The following WASL variants were observed in gnomAD, a reference collection of about 807,000 sequenced individuals.
The protein encoded by WASL is WASP like actin nucleation promoting factor.
Under a neutral mutation model 55.5 loss-of-function variants are expected in WASL, and 20 were observed. That is an observed-to-expected ratio of 0.36 (90% CI 0.25 to 0.52). The LOEUF (loss-of-function observed/expected upper bound fraction) is 0.52. WASL is among the 20% of genes least tolerant of loss of function. The probability of loss-of-function intolerance (pLI) is 0.92; values close to 1 mark genes in which losing one functional copy is unlikely to be tolerated. For missense variants in WASL, 504 were observed against 622.5 expected, an observed-to-expected ratio of 0.81 and a Z score of 2.03; for synonymous variants, 249 against 217.6, an observed-to-expected ratio of 1.14 and a Z score of -1.27.
rs1427857891 is a variant in WASL at position 123,748,701 on chromosome 7, G to A, written c.34C>T (p.Arg12Trp). Residue 12 changes from arginine (R) to tryptophan (W), a missense_variant, in exon 1 of 11, where the codon CGG (arginine) becomes TGG (tryptophan). Coordinates refer to ENST00000223023, the MANE Select transcript of WASL (RefSeq NM_003941.4). ...SSVQQQPPPP[R>W]RVTNVGSLLL... is the part of the protein sequence containing the mutation. ...AGGGACCCCACGTTGGTGACCCTCC[G>A]CGGCGGCGGCGGCTGCTGCTGGACG... 4.0e-6 allele frequency: 6 copies of A among 1,504,248 alleles called. No homozygotes were observed. The highest frequency in any genetic ancestry group is 5.5e-6 in the Non-Finnish European group (6 of 1,095,862). 93.2% of individuals were successfully genotyped at this position (1,504,248 alleles called of 1,614,324 possible). A position where few individuals can be genotyped will look rare whatever the true frequency, so the allele number is the denominator to read the frequency against.
intron 1 of WASL, among the ~76,000 whole-genome samples, chr7:123,715,385 T>C (rs954821029): frequency 6.6e-6 from 1 of 152,176 alleles, no homozygotes; most frequent in Non-Finnish European, 1.5e-5. Flanking sequence ...TCTGGTGAGA[T>C]TAGTCACCAG....
intron 8 of WASL, 84 bp from the exon 9 acceptor site, chr7:123,692,951 T>C: frequency 7.7e-7 from 1 of 1,306,414 alleles, no homozygotes; most frequent in Non-Finnish European, 9.7e-7. Flanking sequence ...TTAACATGTA[T>C]AAAAATTGAA....
chr7:123,735,404 A>C (rs1487582040), intron 1 of WASL, among the ~76,000 whole-genome samples: 1 of 151,418 alleles, frequency 6.6e-6, no homozygotes, highest in Admixed American at 6.6e-5. Flanking sequence ...ACAGGAAAAG[A>C]CCCATAGTGA....
chr7:123,708,643 A>G (rs1803708201), intron 2 of WASL, among the ~76,000 whole-genome samples: 2 of 152,162 alleles, frequency 1.3e-5, no homozygotes. Context: ...ATGAGTAGCA[A>G]ACAGATTTTT....
intron 1 of WASL, among the ~76,000 whole-genome samples, chr7:123,731,903 AAG>A (rs377000999): frequency 2.0e-5 from 3 of 152,316 alleles, no homozygotes; most frequent in African/African-American, 7.2e-5. Context: ...AAAAGAAAAA[AAG>A]AATTATAGCA....
chr7:123,689,926 T>G (rs1803371340), intron 9 of WASL, among the ~76,000 whole-genome samples: 1 of 152,202 alleles, frequency 6.6e-6, no homozygotes, highest in Non-Finnish European at 1.5e-5. Context: ...ACTTTCCATT[T>G]TGATCTGTAC....
rs374821924 is a variant in WASL, at chr7:123,707,231, T to C, written c.253-405A>G. 6.6e-5 allele frequency among the ~76,000 whole-genome samples: 10 copies of C among 152,276 alleles called. No homozygotes were observed. The South Asian group carries it at 2.1e-3, about 32-fold the overall frequency. On this transcript the variant is annotated intron_variant, in intron 2 of 10. Transcript: ENST00000223023. ...AGTTCCACCAGCAATATTTAGACAA[T>C]GTACTATCAAACACTGCAGGAATAC...
chr7:123,737,276 G>C (rs181738354), intron 1 of WASL, among the ~76,000 whole-genome samples: 1 of 152,118 alleles, frequency 6.6e-6, no homozygotes, highest in Non-Finnish European at 1.5e-5. Context: ...CTTGGTCTAC[G>C]TACTCCTTGT....
intron 1 of WASL, among the ~76,000 whole-genome samples, chr7:123,719,711 T>G (rs530191740): frequency 4.5e-4 from 68 of 152,336 alleles, no homozygotes; most frequent in Non-Finnish European, 8.8e-4. Context: ...CAAGCCTTTG[T>G]ATCCTGGCAG....
intron 1 of WASL, among the ~76,000 whole-genome samples, chr7:123,747,243 T>G (rs550333504): frequency 6.6e-6 from 1 of 152,220 alleles, no homozygotes; most frequent in African/African-American, 2.4e-5. Flanking sequence ...TTGGGCTCAC[T>G]GGATCAGTTT....
rs766540174 is a variant in WASL at position 123,748,677 on chromosome 7, G to T, written c.58C>A (p.Leu20Met). The T allele has an allele frequency of 2.5e-6, 4 of 1,612,758 alleles. No homozygotes were observed. Among genetic ancestry groups the T allele is most frequent in the Non-Finnish European group, 3.4e-6 (4 of 1,179,466 alleles). Residue 20 changes from leucine to methionine, a missense_variant, in exon 1 of 11, where the codon CTG becomes ATG. Coordinates refer to ENST00000223023, the MANE Select transcript of WASL (RefSeq NM_003941.4). ...TCGTTCTCCTGCGGGGTGAGCAACA[G>T]GGACCCCACGTTGGTGACCCTCCGC... ...PPRRVTNVGSLLLTPQENESL... is the reference protein window; with the variant it reads ...PPRRVTNVGSMLLTPQENESL...
At chr7:123,698,063 T>A (rs1244990824) in intron 5 of WASL, among the ~76,000 whole-genome samples, 1 of 152,154 alleles carries the variant, frequency 6.6e-6, no homozygotes, top group Non-Finnish European at 1.5e-5. Context: ...GTGTGGTTTT[T>A]TTTTTTTATG....
intron 1 of WASL, among the ~76,000 whole-genome samples, chr7:123,720,145 G>A (rs1584867506): frequency 6.6e-6 from 1 of 152,058 alleles, no homozygotes; most frequent in Admixed American, 6.6e-5. Context: ...TAACGTGTTT[G>A]ATCTATTTAA....
chr7:123,702,685 C>T (rs752174424), intron 5 of WASL, among the ~76,000 whole-genome samples: 1 of 152,122 alleles, frequency 6.6e-6, no homozygotes, highest in Non-Finnish European at 1.5e-5. Context: ...TTGGCTAAGA[C>T]CAAATGTACC....
chr7:123,693,038 T>A (rs1803438946), intron 8 of WASL, among the ~76,000 whole-genome samples, 171 bp from the exon 9 acceptor site: 1 of 152,214 alleles, frequency 6.6e-6, no homozygotes, highest in Admixed American at 6.5e-5. Flanking sequence ...TCACAATTTT[T>A]TTTGAGAATT....
chr7:123,695,837 T>C lies in WASL; in HGVS notation c.658A>G (p.Asn220Asp), dbSNP rs1267875908. 2 of 1,612,850 alleles carry C rather than the reference T, an allele frequency of 1.2e-6. No homozygotes were observed. The highest frequency in any genetic ancestry group is 1.7e-6 in the Non-Finnish European group (2 of 1,179,152). ...AACATACTTACATCAAAGCCTGTAT[T>C]TGGATCCCAACCAACATGTCCAATG... ...QHIGHVGWDP[N>D]TGFDLNNLDP... is the part of the protein sequence containing the mutation. Residue 220 changes from asparagine to aspartate, a missense_variant, in exon 7 of 11, where the codon AAT (asparagine) becomes GAT (aspartate). Asn to Asp is a conservative substitution (Grantham distance 23). Transcript: ENST00000223023.
chr7:123,721,354 A>G (rs1455094264), intron 1 of WASL, among the ~76,000 whole-genome samples: 2 of 152,190 alleles, frequency 1.3e-5, no homozygotes, highest in African/African-American at 4.8e-5. Flanking sequence ...AAAACGTGCA[A>G]AAGGTAGGTT....
chr7:123,717,606 G>C (rs1256789758), intron 1 of WASL, among the ~76,000 whole-genome samples: 5 of 152,164 alleles, frequency 3.3e-5, no homozygotes, highest in Admixed American at 6.5e-5. Context: ...CAGGGGTCAG[G>C]GACAGTGGTC....
At chr7:123,733,024 A>G (rs1326160588) in intron 1 of WASL, among the ~76,000 whole-genome samples, 2 of 152,180 alleles carry the variant, frequency 1.3e-5, no homozygotes, top group Non-Finnish European at 2.9e-5. Context: ...CAACTTGATA[A>G]AGCATTTCCA....
Sources: gnomAD v4.1 joint callset for allele counts (sites outside exome capture counted in the v4.1 genomes callset) on GRCh38, gnomAD v4.1.1 for gene constraint, MANE v1.5 for transcripts, NCBI Gene and HGNC (gene_info 2026-07-23, HGNC 2026-07-21) for gene names.